The following CADPS variants were observed in gnomAD, a reference collection of about 807,000 sequenced individuals.
CADPS encodes calcium-dependent secretion activator 1.
CADPS carries 57 observed loss-of-function variants against 167.3 expected under a neutral mutation model. The ratio of observed to expected loss-of-function variants is 0.34; its 90% CI spans 0.28 to 0.42. The LOEUF is 0.42. CADPS is among the 20% of genes least tolerant of loss of function. The pLI is 1.00. For missense variants in CADPS, 1,414 were observed against 1,738.1 expected (o/e 0.81, Z 3.32); for synonymous variants, 676 against 635.3 (o/e 1.06, Z -0.96).
intron 29 of CADPS, among the ~76,000 whole-genome samples, chr3:62,402,054 G>A (rs1427573938): frequency 2.6e-5 from 4 of 152,078 alleles, no homozygotes; most frequent in Non-Finnish European, 5.9e-5. Flanking sequence ...GTATACATTC[G>A]TTTTTTAAGA....
intron 3 of CADPS, among the ~76,000 whole-genome samples, chr3:62,684,818 A>C (rs1271800908): frequency 6.6e-6 from 1 of 151,972 alleles, no homozygotes; most frequent in Non-Finnish European, 1.5e-5. Context: ...TTTAGTACAA[A>C]GTACATGCAC....
chr3:62,754,844 C>T (rs2083496560), intron 2 of CADPS, among the ~76,000 whole-genome samples: 1 of 152,170 alleles, frequency 6.6e-6, no homozygotes, highest in Non-Finnish European at 1.5e-5. Context: ...TAGCATTAAA[C>T]ATTAACCACT....
chr3:62,744,138 G>T (rs1397753203), intron 3 of CADPS, among the ~76,000 whole-genome samples: 1 of 152,030 alleles, frequency 6.6e-6, no homozygotes, highest in East Asian at 1.9e-4. Flanking sequence ...CTGCTTTAAA[G>T]GCTTGTTATG....
At position 62,590,789 on chromosome 3, in the gene CADPS, C is replaced by T. The variant is rs1002619941; in HGVS notation, c.1437+1848G>A. On this transcript the variant is annotated intron_variant, in intron 7 of 29. Transcript: ENST00000383710. Reference sequence around the variant, plus strand: ...AGAGAGATTCTCTGGGCTGAGATCACGTAGCTTTCAGGAGTGATTACACAT... The same window carrying T: ...AGAGAGATTCTCTGGGCTGAGATCATGTAGCTTTCAGGAGTGATTACACAT... 2.2e-4 allele frequency among the ~76,000 whole-genome samples: 34 copies of T among 151,904 alleles called. 1 individual carries two copies. The highest frequency in any genetic ancestry group is 1.6e-3 in the Admixed American group (25 of 15,242).
chr3:62,563,695 C>T (rs1015739534), intron 9 of CADPS, among the ~76,000 whole-genome samples: 39 of 152,040 alleles, frequency 2.6e-4, no homozygotes, highest in African/African-American at 8.7e-4. Flanking sequence ...ACTCTCTTCC[C>T]ACCCTTTCCC....
At chr3:62,817,156 C>G (rs1289735025) in intron 1 of CADPS, among the ~76,000 whole-genome samples, 2 of 152,164 alleles carry the variant, frequency 1.3e-5, no homozygotes, top group African/African-American at 4.8e-5. Flanking sequence ...CAAAAGTTGA[C>G]TGAAGAGCCT....
chr3:62,695,459 C>T (rs2080087577), intron 3 of CADPS, among the ~76,000 whole-genome samples: 1 of 152,046 alleles, frequency 6.6e-6, no homozygotes, highest in South Asian at 2.1e-4. Flanking sequence ...AGGCTTTATC[C>T]ATATCTAGGA....
Position 62,871,411 on chromosome 3 carries a change from G to T in CADPS, c.441+3178C>A, listed in dbSNP as rs558655392. Among the ~76,000 whole-genome samples the T allele has an allele frequency of 4.3e-4, 65 of 152,242 alleles. 1 individual carries two copies. Among genetic ancestry groups the T allele is most frequent in the Admixed American group, 2.6e-3 (40 of 15,304 alleles). ...TATATTTGATGGGTGTACAGGGGAA[G>T]AAAGGAGGACCTCTCTCAATTCAGA... On this transcript the variant is annotated intron_variant, in intron 1 of 29. Coordinates refer to ENST00000383710, the MANE Select transcript of CADPS (RefSeq NM_003716.4).
In CADPS at chr3:62,868,465, T is replaced by C. The variant is rs539422863; in HGVS notation, c.441+6124A>G. Among the ~76,000 whole-genome samples, 7 of 152,246 alleles carry C rather than the reference T, an allele frequency of 4.6e-5. No homozygotes were observed. The South Asian group carries it at 1.4e-3, about 32-fold the overall frequency. ...CAAATCCATAAAAACTCAGGCCCAG[T>C]GTTGTCATATCTTCCACTTGTAAGA... On this transcript the variant is annotated intron_variant, in intron 1 of 29. Coordinates refer to ENST00000383710, the MANE Select transcript of CADPS (RefSeq NM_003716.4).
intron 2 of CADPS, among the ~76,000 whole-genome samples, chr3:62,757,864 A>C (rs2084371207): frequency 6.6e-6 from 1 of 152,226 alleles, no homozygotes. Flanking sequence ...GCAGCAGGCA[A>C]GAGAGCATGT....
At chr3:62,751,966 T>A (rs1331742855) in intron 3 of CADPS, among the ~76,000 whole-genome samples, 4 of 152,204 alleles carry the variant, frequency 2.6e-5, no homozygotes, top group Admixed American at 1.3e-4. Flanking sequence ...AAGCTGAGTT[T>A]GAGCAAGCAC....
In CADPS at chr3:62,581,523, T is replaced by A. The variant is rs548099321; in HGVS notation, c.1577+3662A>T. Among the ~76,000 whole-genome samples, 67 of 151,428 alleles carry A rather than the reference T, an allele frequency of 4.4e-4. 1 individual carries two copies. The South Asian group carries it at 7.8e-3, about 18-fold the overall frequency. On this transcript the variant is annotated intron_variant, in intron 8 of 29. Coordinates refer to ENST00000383710, the MANE Select transcript of CADPS (RefSeq NM_003716.4). ...GAGATCCCACCTCTACAAATTTTTT[T>A]AAAAAAACTTAGCTGGGCGTGGTGG...
At chr3:62,664,077 G>A (rs1411153483) in intron 3 of CADPS, among the ~76,000 whole-genome samples, 1 of 151,478 alleles carries the variant, frequency 6.6e-6, no homozygotes, top group African/African-American at 2.4e-5. Flanking sequence ...GTGTGATCTC[G>A]GCTCACTGCA....
At chr3:62,430,059 GA>G (rs1369166343) in intron 28 of CADPS, among the ~76,000 whole-genome samples, 2 of 152,278 alleles carry the variant, frequency 1.3e-5, no homozygotes, top group East Asian at 1.9e-4. Context: ...ATATGTTACA[GA>G]AATGTAAATC....
At chr3:62,776,571 G>A (rs539727803) in intron 1 of CADPS, among the ~76,000 whole-genome samples, 114 of 152,210 alleles carry the variant, frequency 7.5e-4, no homozygotes, top group Non-Finnish European at 1.4e-3. Context: ...GGAGAATGGC[G>A]TGAACCCGGG....
At chr3:62,699,858 T>TAAA (rs2081072857) in intron 3 of CADPS, among the ~76,000 whole-genome samples, 1 of 152,134 alleles carries the variant, frequency 6.6e-6, no homozygotes, top group Admixed American at 6.5e-5. Context: ...GTGCCTGGCC[T>TAAA]GTTTTTGTAA....
chr3:62,779,232 C>A (rs2091062310), intron 1 of CADPS: 1 of 314,984 alleles, frequency 3.2e-6, no homozygotes, highest in South Asian at 3.7e-5. Context: ...TGTTTTGACC[C>A]TTCTGAGCTT....
At chr3:62,871,911 T>A (rs1170336914) in intron 1 of CADPS, among the ~76,000 whole-genome samples, 4 of 152,130 alleles carry the variant, frequency 2.6e-5, no homozygotes, top group Non-Finnish European at 5.9e-5. Flanking sequence ...AAAGATAAAA[T>A]CTATTCTTCA....
chr3:62,557,646 T>A, intron 9 of CADPS, 133 bp from the exon 10 acceptor site: 1 of 691,918 alleles, frequency 1.4e-6, no homozygotes, highest in Non-Finnish European at 2.6e-6. Flanking sequence ...ACCTCCTGGC[T>A]GTGTGACGTT....
Sources: allele counts gnomAD v4.1 joint callset (sites outside exome capture counted in the v4.1 genomes callset), GRCh38; gene constraint gnomAD v4.1.1; transcripts MANE v1.5; gene names NCBI Gene and HGNC (gene_info 2026-07-23, HGNC 2026-07-21).